Variants in XKR6 observed in about 807,000 individuals in gnomAD.
The protein encoded by XKR6 is XK-related protein 6.
XKR6 carries 22 observed loss-of-function variants against 56.7 expected under a neutral mutation model. The ratio of observed to expected loss-of-function variants is 0.39; its 90% CI spans 0.28 to 0.55. The LOEUF is 0.55. Among genes scored for constraint, XKR6 ranks in the 20% least tolerant of loss-of-function variants. The pLI is 0.66. For synonymous variants in XKR6, 524 were observed against 387.8 expected (o/e 1.35, Z -4.13); for missense variants, 852 against 889.0 (o/e 0.96, Z 0.53).
At chr8:11,104,404 G>C (rs1798599187) in intron 1 of XKR6, among the ~76,000 whole-genome samples, 1 of 152,158 alleles carries the variant, frequency 6.6e-6, no homozygotes. Flanking sequence ...TACAGCCCTT[G>C]GCACAGTGAT....
chr8:11,094,173 T>A (rs1798185010), intron 1 of XKR6, among the ~76,000 whole-genome samples: 1 of 151,880 alleles, frequency 6.6e-6, no homozygotes, highest in African/African-American at 2.4e-5. Context: ...AAACGTTTTT[T>A]AAAAAGACTT....
intron 1 of XKR6, among the ~76,000 whole-genome samples, chr8:11,145,279 A>T (rs1034518616): frequency 1.3e-5 from 2 of 149,640 alleles, no homozygotes; most frequent in Admixed American, 6.6e-5. Flanking sequence ...AAATCCAAAA[A>T]CACTTCTGGT....
chr8:11,021,215 C>T (rs1278350442), intron 1 of XKR6, among the ~76,000 whole-genome samples: 2 of 152,194 alleles, frequency 1.3e-5, no homozygotes, highest in African/African-American at 4.8e-5. Context: ...CAGGAAGGCA[C>T]TGCAGGTCTC....
At chr8:11,067,658 C>T (rs1029509652) in intron 1 of XKR6, among the ~76,000 whole-genome samples, 2 of 152,250 alleles carry the variant, frequency 1.3e-5, no homozygotes, top group African/African-American at 4.8e-5. Flanking sequence ...GGAGTTGAGA[C>T]AGGTGGTTGG....
intron 1 of XKR6, among the ~76,000 whole-genome samples, chr8:11,183,355 T>C (rs1803098447): frequency 6.6e-6 from 1 of 152,196 alleles, no homozygotes; most frequent in Non-Finnish European, 1.5e-5. Context: ...TTTCTCCACA[T>C]ACCTGTTAGC....
chr8:11,097,092 T>C (rs892130904), intron 1 of XKR6, among the ~76,000 whole-genome samples: 1 of 152,202 alleles, frequency 6.6e-6, no homozygotes, highest in Non-Finnish European at 1.5e-5. Context: ...TCCTCAGAGA[T>C]AGTCAAGTAA....
chr8:11,031,183 T>C (rs542527741), intron 1 of XKR6, among the ~76,000 whole-genome samples: 14 of 152,238 alleles, frequency 9.2e-5, no homozygotes, highest in South Asian at 8.3e-4. Context: ...GAATCTGGTA[T>C]TGGGAGAGAA....
chr8:11,062,873 G>A (rs1563112151), intron 1 of XKR6: 1 of 455,922 alleles, frequency 2.2e-6, no homozygotes, highest in East Asian at 7.0e-5. Context: ...AGTGGAAGTG[G>A]GTGTCCCTTC....
chr8:11,091,881 T>C (rs969439197), intron 1 of XKR6, among the ~76,000 whole-genome samples: 3 of 152,180 alleles, frequency 2.0e-5, no homozygotes, highest in East Asian at 1.9e-4. Context: ...CCCAGCACAA[T>C]GCCAAGGTCA....
intron 2 of XKR6, among the ~76,000 whole-genome samples, chr8:10,923,366 T>C (rs188828385): frequency 1.2e-4 from 18 of 151,968 alleles, no homozygotes; most frequent in African/African-American, 3.6e-4. Context: ...ACAGCCTCCA[T>C]TGAGGGCTGT....
At chr8:11,026,098 G>C (rs77104630) in intron 1 of XKR6, among the ~76,000 whole-genome samples, 20 of 152,282 alleles carry the variant, frequency 1.3e-4, no homozygotes, top group Non-Finnish European at 2.8e-4. Context: ...TTTCATCATT[G>C]TACGAGCATC....
At chr8:10,911,672 G>C (rs1800374236) in intron 2 of XKR6, among the ~76,000 whole-genome samples, 1 of 146,852 alleles carries the variant, frequency 6.8e-6, no homozygotes, top group African/African-American at 2.5e-5. Context: ...TCTATAAAGA[G>C]AAAAAGAGAG....
chr8:10,987,876 T>A (rs939177099), intron 1 of XKR6, among the ~76,000 whole-genome samples: 2 of 152,232 alleles, frequency 1.3e-5, no homozygotes, highest in African/African-American at 2.4e-5. Context: ...AGCAGAATCC[T>A]GGGCTACTGT....
intron 2 of XKR6, among the ~76,000 whole-genome samples, chr8:10,911,903 G>C (rs1323175247): frequency 6.8e-6 from 1 of 148,048 alleles, no homozygotes; most frequent in African/African-American, 2.5e-5. Context: ...AGAGAGAATA[G>C]GTATATATAG....
At chr8:10,918,825 C>T (rs74723343) in intron 2 of XKR6, among the ~76,000 whole-genome samples, 18,942 of 152,170 alleles carry the variant, frequency 0.12, 1,375 homozygotes, top group South Asian at 0.17. Context: ...CCCCCAGTAG[C>T]CCTATTGCAT....
At chr8:11,067,957 G>C (rs1185248416) in intron 1 of XKR6, among the ~76,000 whole-genome samples, 2 of 152,258 alleles carry the variant, frequency 1.3e-5, no homozygotes, top group South Asian at 4.1e-4. Flanking sequence ...GGTCTGCATA[G>C]TGAGTGAATG....
At chr8:11,178,818 T>G (rs1016769536) in intron 1 of XKR6, among the ~76,000 whole-genome samples, 3 of 150,958 alleles carry the variant, frequency 2.0e-5, no homozygotes, top group African/African-American at 7.3e-5. Context: ...TGCTAAAATA[T>G]CAAGTGAACT....
intron 1 of XKR6, among the ~76,000 whole-genome samples, chr8:10,969,662 A>G (rs530566207): frequency 1.1e-3 from 162 of 152,348 alleles, no homozygotes; most frequent in African/African-American, 3.8e-3. Context: ...AGCACAGCCT[A>G]GAGACAAACA....
At chr8:11,074,940 G>C (rs1025972549) in intron 1 of XKR6, among the ~76,000 whole-genome samples, 3 of 152,230 alleles carry the variant, frequency 2.0e-5, no homozygotes, top group Non-Finnish European at 4.4e-5. Context: ...TAGGGCAGTG[G>C]AAAACTCTGC....
Sources: allele counts gnomAD v4.1 joint callset (sites outside exome capture counted in the v4.1 genomes callset), GRCh38; gene constraint gnomAD v4.1.1; transcripts MANE v1.5; gene names NCBI Gene and HGNC (gene_info 2026-07-23, HGNC 2026-07-21).